Variants in PEBP4 observed in about 807,000 individuals in gnomAD.
PEBP4 encodes phosphatidylethanolamine binding protein 4.
In PEBP4, 22 loss-of-function variants were observed where a neutral mutation model predicts 23.9. The ratio of observed to expected loss-of-function variants is 0.92; its 90% CI spans 0.66 to 1.31. The LOEUF is 1.31. Among genes scored for constraint, PEBP4 ranks in the 40% most tolerant of loss-of-function variants. PEBP4 has a pLI of 0.00. For synonymous variants in PEBP4, 112 were observed against 99.3 expected (o/e 1.13, Z -0.76); for missense variants, 324 against 281.7 (o/e 1.15, Z -1.07).
intron 3 of PEBP4, among the ~76,000 whole-genome samples, chr8:22,839,205 T>C (rs900256596): frequency 6.6e-6 from 1 of 152,190 alleles, no homozygotes; most frequent in Admixed American, 6.5e-5. Flanking sequence ...GGTGAGAGGC[T>C]GGGCTGGCGG....
chr8:22,816,940 G>C (rs527655181), intron 4 of PEBP4, among the ~76,000 whole-genome samples: 4 of 152,198 alleles, frequency 2.6e-5, no homozygotes, highest in Non-Finnish European at 5.9e-5. Context: ...AAAAGCCCTT[G>C]AGTGAGAAAC....
At chr8:22,747,785 G>T (rs1432735698) in intron 4 of PEBP4, among the ~76,000 whole-genome samples, 1 of 152,188 alleles carries the variant, frequency 6.6e-6, no homozygotes, top group Non-Finnish European at 1.5e-5. Flanking sequence ...CTGTTCCAAC[G>T]ATGGACTTCC....
intron 2 of PEBP4, among the ~76,000 whole-genome samples, 157 bp from the exon 3 acceptor site, chr8:22,920,467 T>G (rs1309720335): frequency 6.6e-6 from 1 of 152,186 alleles, no homozygotes; most frequent in African/African-American, 2.4e-5. Context: ...TTACTTGACC[T>G]CCTTGTGCCT....
intron 4 of PEBP4, among the ~76,000 whole-genome samples, chr8:22,751,526 G>C (rs942721069): frequency 6.6e-6 from 1 of 151,866 alleles, no homozygotes; most frequent in Admixed American, 6.6e-5. Context: ...AGATAGAGAG[G>C]CCCCAAATCA....
intron 4 of PEBP4, among the ~76,000 whole-genome samples, chr8:22,814,008 C>G (rs1384604916): frequency 6.6e-6 from 1 of 152,214 alleles, no homozygotes; most frequent in Non-Finnish European, 1.5e-5. Context: ...GTCACCAATG[C>G]TAACCTAGCT....
At chr8:22,848,029 G>GCTCTCT (rs148288633) in intron 3 of PEBP4, among the ~76,000 whole-genome samples, 30 of 149,928 alleles carry the variant, frequency 2.0e-4, no homozygotes, top group Non-Finnish European at 3.7e-4. Context: ...CAGTGCTAAA[G>GCTCTCT]CTCTCTCTCT....
At chr8:22,870,698 G>T in intron 3 of PEBP4, among the ~76,000 whole-genome samples, 1 of 152,160 alleles carries the variant, frequency 6.6e-6, no homozygotes, top group East Asian at 1.9e-4. Flanking sequence ...GGAGTCAGGG[G>T]TGTATGTGGG....
intron 4 of PEBP4, among the ~76,000 whole-genome samples, chr8:22,797,409 G>A (rs1160863661): frequency 1.3e-5 from 2 of 151,882 alleles, no homozygotes; most frequent in Non-Finnish European, 1.5e-5. Context: ...GGAGGACACC[G>A]AGGCCCAAAG....
At chr8:22,875,729 T>C (rs925917123) in intron 3 of PEBP4, among the ~76,000 whole-genome samples, 20 of 151,952 alleles carry the variant, frequency 1.3e-4, no homozygotes, top group African/African-American at 4.6e-4. Context: ...AGCCTACCCT[T>C]CCTGCCTGTC....
At chr8:22,889,603 C>T (rs1051101684) in intron 3 of PEBP4, among the ~76,000 whole-genome samples, 32 of 152,316 alleles carry the variant, frequency 2.1e-4, no homozygotes, top group African/African-American at 7.5e-4. Flanking sequence ...TTAAAAGCCT[C>T]GTTTTGGGCA....
intron 6 of PEBP4, among the ~76,000 whole-genome samples, chr8:22,721,737 G>A (rs1281525651): frequency 4.6e-5 from 7 of 151,940 alleles, no homozygotes; most frequent in Non-Finnish European, 7.4e-5. Flanking sequence ...CTTCCTCCAC[G>A]GATTCTCTCC....
intron 3 of PEBP4, among the ~76,000 whole-genome samples, chr8:22,913,182 C>G (rs1455843650): frequency 6.6e-6 from 1 of 152,198 alleles, no homozygotes; most frequent in African/African-American, 2.4e-5. Flanking sequence ...AAACCCTCAC[C>G]TGATGCACTG....
At chr8:22,765,132 C>CCTTCCTTCCTTT (rs1805584263) in intron 4 of PEBP4, among the ~76,000 whole-genome samples, 1 of 151,512 alleles carries the variant, frequency 6.6e-6, no homozygotes, top group Non-Finnish European at 1.5e-5. Context: ...TTCCTTCCTT[C>CCTTCCTTCCTTT]CTTCCTTCCT....
chr8:22,848,870 C>T lies in PEBP4; in HGVS notation c.259-31135G>A, dbSNP rs145845119. Among the ~76,000 whole-genome samples the T allele has an allele frequency of 1.6e-3, 247 of 152,334 alleles. 2 individuals carry two copies. Among genetic ancestry groups the T allele is most frequent in the African/African-American group, 5.4e-3 (223 of 41,580 alleles). ...TGAAGAACTATCCGATAAAGACAAA[C>T]GTACACTGTCTAGTCTCTAAACTCT... On this transcript the variant is annotated intron_variant, in intron 3 of 6. Transcript: ENST00000256404.
chr8:22,791,641 A>C (rs1397031338), intron 4 of PEBP4, among the ~76,000 whole-genome samples: 1 of 152,230 alleles, frequency 6.6e-6, no homozygotes, highest in Non-Finnish European at 1.5e-5. Context: ...ATGCATATTC[A>C]CAAGGCAGCC....
At chr8:22,919,038 G>A (rs1809142867) in intron 3 of PEBP4, among the ~76,000 whole-genome samples, 1 of 152,168 alleles carries the variant, frequency 6.6e-6, no homozygotes, top group Non-Finnish European at 1.5e-5. Flanking sequence ...CATGACAACA[G>A]CCTCATAACT....
intron 4 of PEBP4, among the ~76,000 whole-genome samples, chr8:22,739,924 C>A (rs1804953911): frequency 6.6e-6 from 1 of 152,144 alleles, no homozygotes; most frequent in South Asian, 2.1e-4. Flanking sequence ...AGGGGGTGCC[C>A]AACAGCCAAG....
intron 3 of PEBP4, among the ~76,000 whole-genome samples, chr8:22,869,911 G>A (rs1807974708): frequency 6.6e-6 from 1 of 152,208 alleles, no homozygotes; most frequent in Non-Finnish European, 1.5e-5. Flanking sequence ...AACATCAAAT[G>A]CTGATGACGA....
chr8:22,916,581 G>C lies in PEBP4; in HGVS notation c.258+3603C>G, dbSNP rs61379584. Among the ~76,000 whole-genome samples, 1,426 of 152,304 alleles carry C rather than the reference G, an allele frequency of 9.4e-3. 16 individuals carry two copies. Among genetic ancestry groups the C allele is most frequent in the African/African-American group, 0.031 (1,289 of 41,538 alleles). On this transcript the variant is annotated intron_variant, in intron 3 of 6. Transcript: ENST00000256404. ...TAGCAGCTTTCCTTCAACAGATGCT[G>C]AAAGGGCCGACAGTTTGGCTGACAC... is the stretch of plus-strand genomic sequence containing the variant.
Sources: gnomAD v4.1 joint callset for allele counts (sites outside exome capture counted in the v4.1 genomes callset) on GRCh38, gnomAD v4.1.1 for gene constraint, MANE v1.5 for transcripts, NCBI Gene and HGNC (gene_info 2026-07-23, HGNC 2026-07-21) for gene names.